Variants in BICC1 observed in about 807,000 individuals in gnomAD.
The protein encoded by BICC1 is protein bicaudal C homolog 1.
A neutral mutation model predicts 111.0 loss-of-function variants in BICC1; 43 were observed. The observed-to-expected ratio is 0.39, with a 90% CI of 0.30 to 0.50. The LOEUF is 0.50. Ranked by LOEUF, BICC1 falls within the 20% of genes least tolerant of loss-of-function variation. The probability of loss-of-function intolerance (pLI) is 0.88; values close to 1 mark genes in which losing one functional copy is unlikely to be tolerated. For missense variants in BICC1, 1,091 were observed against 1,203.2 expected, an observed-to-expected ratio of 0.91 and a Z score of 1.38; for synonymous variants, 467 against 434.4, an observed-to-expected ratio of 1.07 and a Z score of -0.93.
At chr10:58,801,187 A>T (rs1048958309) in intron 14 of BICC1, 141 bp downstream of exon 14, 11 of 670,614 alleles carry the variant, frequency 1.6e-5, no homozygotes, top group Non-Finnish European at 2.2e-5. Context: ...TTTAAAAAAA[A>T]TATTAAGGAA....
intron 1 of BICC1, among the ~76,000 whole-genome samples, chr10:58,561,699 C>G (rs1270203026): frequency 6.6e-6 from 1 of 151,882 alleles, no homozygotes; most frequent in Non-Finnish European, 1.5e-5. Context: ...CTTTCTCATC[C>G]TTGTGTATCT....
At chr10:58,673,965 AAGCTAAT>A (rs57136517) in intron 2 of BICC1, among the ~76,000 whole-genome samples, 146,515 of 152,062 alleles carry the variant, frequency 0.96, 70,843 homozygotes, top group Middle Eastern at 1. Context: ...GTAAACACTC[AAGCTAAT>A]AGCTTGCTGG....
chr10:58,826,919 C>T (rs979732126), intron 20 of BICC1, among the ~76,000 whole-genome samples: 4 of 152,184 alleles, frequency 2.6e-5, no homozygotes, highest in African/African-American at 9.7e-5. Flanking sequence ...TAACACCAGC[C>T]GCCAGTCTTT....
chr10:58,786,818 C>A, intron 4 of BICC1, 105 bp from the exon 5 acceptor site: 1 of 714,520 alleles, frequency 1.4e-6, no homozygotes, highest in Non-Finnish European at 2.1e-6. Context: ...TAAGATTTCC[C>A]ACTGACTTGC....
intron 1 of BICC1, among the ~76,000 whole-genome samples, chr10:58,604,628 T>G (rs1002735527): frequency 2.0e-5 from 3 of 152,166 alleles, no homozygotes; most frequent in African/African-American, 7.2e-5. Context: ...GCCGCTGCAC[T>G]CCAGCCTGGG....
At chr10:58,527,144 A>T (rs9416706) in intron 1 of BICC1, among the ~76,000 whole-genome samples, 74,604 of 152,122 alleles carry the variant, frequency 0.49, 18,570 homozygotes, top group South Asian at 0.55. Flanking sequence ...ATGGTATCTC[A>T]TTGTGGTTTT....
intron 2 of BICC1, among the ~76,000 whole-genome samples, chr10:58,648,864 G>A (rs1483824521): frequency 6.6e-6 from 1 of 152,168 alleles, no homozygotes; most frequent in Admixed American, 6.5e-5. Flanking sequence ...GACCTTGCTT[G>A]TTATCCCATA....
intron 1 of BICC1, among the ~76,000 whole-genome samples, chr10:58,537,082 C>T (rs1842844614): frequency 6.7e-6 from 1 of 150,150 alleles, no homozygotes; most frequent in South Asian, 2.1e-4. Context: ...AAAAAACAAA[C>T]CTGTCAACAA....
At chr10:58,591,585 G>A (rs943790464) in intron 1 of BICC1, among the ~76,000 whole-genome samples, 3 of 152,168 alleles carry the variant, frequency 2.0e-5, no homozygotes, top group Non-Finnish European at 4.4e-5. Flanking sequence ...CTATTGATAA[G>A]TATCATTACC....
intron 3 of BICC1, among the ~76,000 whole-genome samples, chr10:58,734,811 C>A (rs1169999831): frequency 6.6e-6 from 1 of 152,050 alleles, no homozygotes; most frequent in Non-Finnish European, 1.5e-5. Context: ...GTTTTTTGGT[C>A]TAAATATTAA....
intron 3 of BICC1, chr10:58,716,273 T>C: frequency 6.7e-7 from 1 of 1,503,392 alleles, no homozygotes; most frequent in Non-Finnish European, 9.0e-7. Context: ...TTAGTTCAAG[T>C]CCTGACTCAC....
intron 17 of BICC1, among the ~76,000 whole-genome samples, chr10:58,811,975 C>A (rs2132931470): frequency 6.6e-6 from 1 of 152,222 alleles, no homozygotes; most frequent in East Asian, 1.9e-4. Context: ...TGGAGAGAGG[C>A]AGAGGCTGGA....
chr10:58,783,891 T>A (rs1425579228), intron 3 of BICC1, among the ~76,000 whole-genome samples: 1 of 152,122 alleles, frequency 6.6e-6, no homozygotes, highest in Non-Finnish European at 1.5e-5. Flanking sequence ...ACCTGTAAAA[T>A]AAGAGAATAC....
At position 58,776,707 on chromosome 10, in the gene BICC1, A is replaced by G. The variant is rs78099373; in HGVS notation, c.308-8294A>G. Among the ~76,000 whole-genome samples the G allele has an allele frequency of 1.3e-3, 192 of 152,232 alleles. 8 individuals are homozygous for G. In the East Asian group the frequency reaches 0.035, roughly 28 times the overall value. The stretch of plus-strand genomic sequence containing the variant: ...CCATCTCCCTCTCATACTTATGTCA[A>G]CGACCTCCCTTGCAGTAATCTAGCA... On this transcript the variant is annotated intron_variant, in intron 3 of 20. Transcript: ENST00000373886.
At chr10:58,657,509 G>C (rs951935948) in intron 2 of BICC1, among the ~76,000 whole-genome samples, 12 of 152,078 alleles carry the variant, frequency 7.9e-5, no homozygotes, top group Non-Finnish European at 8.8e-5. Flanking sequence ...GTGATTGAGA[G>C]TAGTAGGAGT....
At position 58,612,202 on chromosome 10, in the gene BICC1, A is replaced by G. The variant is rs533645533; in HGVS notation, c.191-8653A>G. On this transcript the variant is annotated intron_variant, in intron 1 of 20. Transcript: ENST00000373886. ...TAATTCAGAAGTGGAAGAAACTTTA[A>G]GAATGAACCTAATGACTACTCTTTT... Among the ~76,000 whole-genome samples, 7 of 152,348 alleles carry G rather than the reference A, an allele frequency of 4.6e-5. No individual in the cohort carries two copies. In the South Asian group the frequency reaches 1.5e-3, roughly 32 times the overall value.
intron 1 of BICC1, among the ~76,000 whole-genome samples, chr10:58,555,473 C>G (rs935692566): frequency 6.6e-6 from 1 of 151,836 alleles, no homozygotes; most frequent in African/African-American, 2.4e-5. Flanking sequence ...GGCAAAATTT[C>G]TTTTCTGATT....
intron 3 of BICC1, among the ~76,000 whole-genome samples, chr10:58,779,850 C>T (rs1369848916): frequency 2.6e-5 from 4 of 152,182 alleles, no homozygotes; most frequent in Non-Finnish European, 2.9e-5. Flanking sequence ...AGTGAACTAA[C>T]GCCCTTGAGA....
At chr10:58,555,775 A>G (rs1186593407) in intron 1 of BICC1, among the ~76,000 whole-genome samples, 1 of 152,138 alleles carries the variant, frequency 6.6e-6, no homozygotes, top group Non-Finnish European at 1.5e-5. Flanking sequence ...TGGTGAACAA[A>G]TATAGTGACT....
Sources: allele counts gnomAD v4.1 joint callset (sites outside exome capture counted in the v4.1 genomes callset), GRCh38; gene constraint gnomAD v4.1.1; transcripts MANE v1.5; gene names NCBI Gene and HGNC (gene_info 2026-07-23, HGNC 2026-07-21).